Variants in MYO6 observed in about 807,000 individuals in gnomAD.
The protein encoded by MYO6 is unconventional myosin-VI.
In MYO6, 74 loss-of-function variants were observed where a neutral mutation model predicts 178.7. The observed-to-expected ratio is 0.41, with a 90% CI of 0.34 to 0.50. The LOEUF (loss-of-function observed/expected upper bound fraction) is 0.50, where lower values mean the gene tolerates loss of function less well. MYO6 is among the 20% of genes least tolerant of loss of function. MYO6 has a pLI of 0.09. For synonymous variants in MYO6, 477 were observed against 504.6 expected (o/e 0.95, Z 0.73); for missense variants, 1,330 against 1,547.4 (o/e 0.86, Z 2.36).
chr6:75,894,667 T>G, intron 28 of MYO6: 1 of 485,022 alleles, frequency 2.1e-6, no homozygotes, highest in Non-Finnish European at 3.5e-6. Flanking sequence ...TAGCACTGAG[T>G]TTTTTCTCTA....
At chr6:75,787,722 CTCTCTCTCTATATATA>C (rs1283873742) in intron 1 of MYO6, among the ~76,000 whole-genome samples, 95 of 29,072 alleles carry the variant, frequency 3.3e-3, no homozygotes, top group East Asian at 6.9e-3. Flanking sequence ...CTCTCTCTCT[CTCTCTCTCTATATATA>C]TATATATATA....
intron 30 of MYO6, among the ~76,000 whole-genome samples, chr6:75,907,342 G>A (rs1489579689): frequency 6.6e-6 from 1 of 152,118 alleles, no homozygotes; most frequent in Non-Finnish European, 1.5e-5. Flanking sequence ...GAAGTCTGGG[G>A]GAAGTTTGTG....
chr6:75,902,478 A>G (rs1779883336), intron 30 of MYO6, among the ~76,000 whole-genome samples: 1 of 152,122 alleles, frequency 6.6e-6, no homozygotes, highest in Non-Finnish European at 1.5e-5. Context: ...TGAGGAATTT[A>G]TCCATTTCTT....
intron 16 of MYO6, among the ~76,000 whole-genome samples, chr6:75,865,625 G>A (rs1776600514): frequency 6.6e-6 from 1 of 151,804 alleles, no homozygotes; most frequent in Admixed American, 6.6e-5. Context: ...TCAGCCTCCC[G>A]AAGTGCTAGG....
chr6:75,848,467 C>T lies in MYO6; in HGVS notation c.1014C>T (p.Phe338=). Residue 338 remains phenylalanine, a synonymous_variant, in exon 11 of 35, where the codon TTC becomes TTT. Transcript: ENST00000369977. ...GLDDEEKLDL[F]RVVAGVLHLG... ...ATGATGAAGAAAAGCTTGATCTCTT[C>T]CGGGTAGTAGCTGGCGTCCTGCACC... 2.5e-6 allele frequency: 4 copies of T among 1,613,838 alleles called. No individual in the cohort carries two copies. The highest frequency in any genetic ancestry group is 1.1e-5 in the South Asian group (1 of 91,066).
chr6:75,848,633 T>G (rs1397432964), intron 11 of MYO6, 102 bp downstream of exon 11: 1 of 1,158,856 alleles, frequency 8.6e-7, no homozygotes, highest in Non-Finnish European at 1.2e-6. Context: ...GCTTAAAAAC[T>G]TTAAGAAATA....
chr6:75,799,686 G>A (rs1562175461), intron 1 of MYO6, among the ~76,000 whole-genome samples: 2 of 152,092 alleles, frequency 1.3e-5, no homozygotes, highest in African/African-American at 4.8e-5. Context: ...TCATTTCAAG[G>A]AATGAAATGA....
intron 23 of MYO6, among the ~76,000 whole-genome samples, chr6:75,885,091 A>T (rs1045338182): frequency 1.3e-5 from 2 of 152,240 alleles, no homozygotes; most frequent in African/African-American, 4.8e-5. Context: ...ACACCCAGGA[A>T]TGAACAAGGA....
intron 1 of MYO6, among the ~76,000 whole-genome samples, chr6:75,750,406 A>C (rs924883570): frequency 1.3e-5 from 2 of 151,740 alleles, no homozygotes; most frequent in Non-Finnish European, 1.5e-5. Context: ...AATATTCTTT[A>C]CATCTTACCT....
chr6:75,786,406 G>C (rs1301227752), intron 1 of MYO6, among the ~76,000 whole-genome samples: 1 of 152,132 alleles, frequency 6.6e-6, no homozygotes, highest in African/African-American at 2.4e-5. Context: ...GAATAAGCTT[G>C]TCAAGTTCCT....
intron 1 of MYO6, among the ~76,000 whole-genome samples, chr6:75,765,343 ATT>A: frequency 6.6e-6 from 1 of 151,374 alleles, no homozygotes; most frequent in East Asian, 2.0e-4. Flanking sequence ...CGCCTGGCTA[ATT>A]TTTGTATTTT....
intron 1 of MYO6, among the ~76,000 whole-genome samples, chr6:75,803,538 T>G (rs1162319430): frequency 1.3e-5 from 2 of 152,174 alleles, no homozygotes; most frequent in African/African-American, 4.8e-5. Context: ...ACAGTTGATC[T>G]GCGTATTTTG....
chr6:75,800,051 G>GA (rs2150113935), intron 1 of MYO6, among the ~76,000 whole-genome samples: 1 of 152,116 alleles, frequency 6.6e-6, no homozygotes, highest in South Asian at 2.1e-4. Flanking sequence ...TGTTTAGGAT[G>GA]AAAAATACTA....
intron 12 of MYO6, 28 bp from the exon 13 acceptor site, chr6:75,857,069 T>A: frequency 6.2e-7 from 1 of 1,612,284 alleles, no homozygotes; most frequent in Non-Finnish European, 8.5e-7. Flanking sequence ...TTATAAAGAA[T>A]TTTTACTAGC....
At chr6:75,765,320 G>A (rs1778321872) in intron 1 of MYO6, among the ~76,000 whole-genome samples, 2 of 151,236 alleles carry the variant, frequency 1.3e-5, no homozygotes, top group Admixed American at 1.3e-4. Context: ...GGGACTACAG[G>A]TGCACACTAC....
intron 1 of MYO6, among the ~76,000 whole-genome samples, chr6:75,753,459 A>ATG (rs1397028309): frequency 1.4e-5 from 2 of 142,888 alleles, no homozygotes; most frequent in Admixed American, 6.9e-5. Context: ...GTGTGTGTAT[A>ATG]TATATATATA....
chr6:75,766,266 T>C (rs1371282733), intron 1 of MYO6, among the ~76,000 whole-genome samples: 2 of 151,918 alleles, frequency 1.3e-5, no homozygotes. Flanking sequence ...GAGGTTGCAG[T>C]GAGCAGAGAC....
intron 30 of MYO6, among the ~76,000 whole-genome samples, chr6:75,905,533 C>G (rs1780232898): frequency 6.6e-6 from 1 of 152,234 alleles, no homozygotes; most frequent in African/African-American, 2.4e-5. Flanking sequence ...ACTCCCTGAC[C>G]CCTTGCTCTT....
At chr6:75,897,022 G>T (rs555283938) in intron 29 of MYO6, among the ~76,000 whole-genome samples, 31 of 152,312 alleles carry the variant, frequency 2.0e-4, no homozygotes, top group African/African-American at 7.5e-4. Context: ...GGTCAGGGAG[G>T]ATAATGCATC....
Sources: gnomAD v4.1 joint callset for allele counts (sites outside exome capture counted in the v4.1 genomes callset) on GRCh38, gnomAD v4.1.1 for gene constraint, MANE v1.5 for transcripts, NCBI Gene and HGNC (gene_info 2026-07-23, HGNC 2026-07-21) for gene names.